The following RAD51B variants were observed in gnomAD, a reference collection of about 807,000 sequenced individuals.
RAD51B encodes the protein DNA repair protein RAD51 homolog 2.
A neutral mutation model predicts 42.2 loss-of-function variants in RAD51B; 38 were observed. That is an observed-to-expected ratio of 0.90 (90% confidence interval 0.70 to 1.18). The LOEUF (loss-of-function observed/expected upper bound fraction) is 1.18, where lower values mean the gene tolerates loss of function less well. RAD51B is among the 50% of genes most tolerant of loss of function. RAD51B has a pLI of 0.00. For missense variants in RAD51B, 373 were observed against 400.7 expected (o/e 0.93, Z 0.59); for synonymous variants, 154 against 145.2 (o/e 1.06, Z -0.43).
chr14:68,402,887 C>T (rs947957552), intron 8 of RAD51B, among the ~76,000 whole-genome samples: 2 of 152,204 alleles, frequency 1.3e-5, no homozygotes, highest in African/African-American at 4.8e-5. Context: ...TAGGTAACTG[C>T]TCATTACCAA....
chr14:68,091,056 A>C (rs1204674201), intron 7 of RAD51B, among the ~76,000 whole-genome samples: 1 of 151,972 alleles, frequency 6.6e-6, no homozygotes, highest in Non-Finnish European at 1.5e-5. Context: ...GCTGCATAGT[A>C]TTCCATGGCG....
chr14:68,574,328 T>A (rs1265335814), intron 10 of RAD51B, among the ~76,000 whole-genome samples: 1 of 152,106 alleles, frequency 6.6e-6, no homozygotes, highest in Non-Finnish European at 1.5e-5. Flanking sequence ...GCTCAAGCGA[T>A]CCACCCGCCT....
rs527251857 is a variant in RAD51B, at chr14:68,004,258, G to A, written c.756+117054G>A. 4.0e-3 allele frequency among the ~76,000 whole-genome samples: 602 copies of A among 150,718 alleles called. 7 individuals are homozygous for A. Among genetic ancestry groups the A allele is most frequent in the African/African-American group, 0.014 (567 of 40,934 alleles). On this transcript the variant is annotated intron_variant, in intron 7 of 10. Coordinates refer to ENST00000471583, the MANE Select transcript of RAD51B (RefSeq NM_133510.4). ...TGAGGCAGGAGAACGGCGTGAACCC[G>A]GGAGGTGGAGGTTGCAGTGAGCTGA...
chr14:68,116,551 A>G (rs2077551934), intron 7 of RAD51B, among the ~76,000 whole-genome samples: 2 of 152,134 alleles, frequency 1.3e-5, no homozygotes, highest in Non-Finnish European at 2.9e-5. Context: ...TAGTGAGAAA[A>G]TACGGTCTTC....
intron 7 of RAD51B, among the ~76,000 whole-genome samples, chr14:67,932,783 T>C (rs967294113): frequency 2.6e-5 from 4 of 152,104 alleles, no homozygotes; most frequent in Non-Finnish European, 4.4e-5. Flanking sequence ...TGTACTGCTA[T>C]GCCAAGGAGG....
At chr14:68,099,450 G>A (rs1350691708) in intron 7 of RAD51B, among the ~76,000 whole-genome samples, 1 of 152,146 alleles carries the variant, frequency 6.6e-6, no homozygotes, top group Non-Finnish European at 1.5e-5. Context: ...TTTTACTTCA[G>A]TAGCACACAA....
intron 9 of RAD51B, among the ~76,000 whole-genome samples, chr14:68,465,693 G>C (rs984666454): frequency 1.3e-5 from 2 of 152,082 alleles, no homozygotes; most frequent in African/African-American, 4.8e-5. Flanking sequence ...TGTAATCCCA[G>C]CACTTTGGGA....
chr14:68,257,821 C>T (rs1364025993), intron 7 of RAD51B, among the ~76,000 whole-genome samples: 1 of 152,084 alleles, frequency 6.6e-6, no homozygotes, highest in African/African-American at 2.4e-5. Context: ...GAAGTGGAGT[C>T]CATGTCATTT....
In RAD51B at chr14:68,122,960, AAC is replaced by A. The variant is rs145099242; in HGVS notation, c.757-168904_757-168903del. On this transcript the variant is annotated intron_variant, in intron 7 of 10. Coordinates refer to ENST00000471583, the MANE Select transcript of RAD51B (RefSeq NM_133510.4). ...AACATGCTCTCCTTTGTATAAAACAAACACACACACACACACACACAGACACA... is the reference window on the plus strand; with the variant it reads ...AACATGCTCTCCTTTGTATAAAACAAACACACACACACACACACAGACACA... 6.3e-3 allele frequency among the ~76,000 whole-genome samples: 937 copies of A among 149,902 alleles called. 5 individuals are homozygous for A. Among genetic ancestry groups the A allele is most frequent in the Non-Finnish European group, 8.1e-3 (542 of 67,244 alleles).
chr14:68,301,417 AC>A (rs1302970553), intron 8 of RAD51B, among the ~76,000 whole-genome samples: 1 of 152,122 alleles, frequency 6.6e-6, no homozygotes, highest in Non-Finnish European at 1.5e-5. Flanking sequence ...GCTGCCAGAG[AC>A]CAAGGGGTGG....
intron 5 of RAD51B, among the ~76,000 whole-genome samples, chr14:67,870,109 C>G (rs1390273708): frequency 6.7e-5 from 10 of 149,704 alleles, no homozygotes; most frequent in Admixed American, 6.6e-4. Flanking sequence ...TGTAAATGGA[C>G]TAAATGCTCC....
intron 7 of RAD51B, among the ~76,000 whole-genome samples, chr14:67,918,276 C>T (rs1011744142): frequency 6.6e-6 from 1 of 151,928 alleles, no homozygotes; most frequent in African/African-American, 2.4e-5. Flanking sequence ...ACTCTGTTGC[C>T]CAGGCCAGAG....
intron 8 of RAD51B, among the ~76,000 whole-genome samples, chr14:68,322,703 T>A (rs2082177968): frequency 6.6e-6 from 1 of 152,178 alleles, no homozygotes; most frequent in Non-Finnish European, 1.5e-5. Context: ...AGATGCACTC[T>A]GTGGAAAGGC....
chr14:68,651,502 G>A (rs1017682029), intron 11 of RAD51B, among the ~76,000 whole-genome samples: 2 of 152,150 alleles, frequency 1.3e-5, no homozygotes, highest in African/African-American at 4.8e-5. Flanking sequence ...TAAGCTAGCT[G>A]GAAAGCTCCA....
chr14:67,953,235 T>C (rs1400652541), intron 7 of RAD51B, among the ~76,000 whole-genome samples: 1 of 152,140 alleles, frequency 6.6e-6, no homozygotes, highest in Non-Finnish European at 1.5e-5. Context: ...ATGGTGTGTG[T>C]TGAATTTGGA....
rs1195581094 is a variant in RAD51B at position 68,611,096 on chromosome 14, TG to T, written c.1129del (p.Val377CysfsTer53). 1.4e-6 allele frequency: 1 copy of T among 703,196 alleles called. No individual in the cohort carries two copies. The highest frequency in any genetic ancestry group is 2.7e-5 in the East Asian group (1 of 37,288). 43.6% of individuals were successfully genotyped at this position (703,196 alleles called of 1,614,324 possible). A position where few individuals can be genotyped will look rare whatever the true frequency, so the allele number is the denominator to read the frequency against. On this transcript the variant is annotated frameshift_variant, in exon 11 of 11. Transcript: ENST00000487861. LOFTEE classifies it low-confidence loss of function (END_TRUNC). Reference sequence around the variant, plus strand: ...AGCCCTACCTTCCTGATACCTGATGTGGTGCTCAGAAAAACAAGGAATCCCA... The same window carrying T: ...AGCCCTACCTTCCTGATACCTGATGTGTGCTCAGAAAAACAAGGAATCCCA...
At chr14:68,030,718 C>T (rs2076027938) in intron 7 of RAD51B, among the ~76,000 whole-genome samples, 1 of 152,204 alleles carries the variant, frequency 6.6e-6, no homozygotes, top group Admixed American at 6.5e-5. Context: ...AAGAACTTTT[C>T]ATTTGCATTC....
At chr14:68,211,673 C>T (rs1474405779) in intron 7 of RAD51B, among the ~76,000 whole-genome samples, 1 of 152,080 alleles carries the variant, frequency 6.6e-6, no homozygotes, top group Non-Finnish European at 1.5e-5. Context: ...GGAAAGTCAC[C>T]TAAGGAAAGT....
chr14:67,974,817 G>T (rs915091225), intron 7 of RAD51B, among the ~76,000 whole-genome samples: 15 of 152,034 alleles, frequency 9.9e-5, no homozygotes, highest in African/African-American at 3.6e-4. Context: ...GTATTTTCTT[G>T]TATATCTCTT....
Sources: allele counts gnomAD v4.1 joint callset (sites outside exome capture counted in the v4.1 genomes callset), GRCh38; gene constraint gnomAD v4.1.1; transcripts MANE v1.5; gene names NCBI Gene and HGNC (gene_info 2026-07-23, HGNC 2026-07-21).